SGMS1: variants seen among roughly 807,000 people sequenced by gnomAD.
The protein encoded by SGMS1 is phosphatidylcholine:ceramide cholinephosphotransferase 1.
Under a neutral mutation model 46.2 loss-of-function variants are expected in SGMS1, and 13 were observed. The ratio of observed to expected loss-of-function variants is 0.28; its 90% CI spans 0.18 to 0.45. The LOEUF (loss-of-function observed/expected upper bound fraction) is 0.45. Ranked by LOEUF, SGMS1 falls within the 20% of genes least tolerant of loss-of-function variation. SGMS1 has a pLI of 1.00. For synonymous variants in SGMS1, 203 were observed against 187.8 expected (o/e 1.08, Z -0.66); for missense variants, 324 against 519.9 (o/e 0.62, Z 3.66).
At chr10:50,351,983 G>A (rs1848026513) in intron 6 of SGMS1, among the ~76,000 whole-genome samples, 1 of 152,120 alleles carries the variant, frequency 6.6e-6, no homozygotes, top group Non-Finnish European at 1.5e-5. Flanking sequence ...TACTGAAGCT[G>A]CCACTTACAA....
chr10:50,513,786 T>C (rs1288574673), intron 3 of SGMS1, among the ~76,000 whole-genome samples: 1 of 152,232 alleles, frequency 6.6e-6, no homozygotes, highest in Non-Finnish European at 1.5e-5. Context: ...TATAAGGTAC[T>C]TTAGCACAAA....
At chr10:50,349,164 T>C (rs1229316226) in intron 6 of SGMS1, among the ~76,000 whole-genome samples, 3 of 152,240 alleles carry the variant, frequency 2.0e-5, no homozygotes, top group Admixed American at 2.0e-4. Flanking sequence ...ATTAACTAAC[T>C]GGGACAACAA....
intron 3 of SGMS1, among the ~76,000 whole-genome samples, chr10:50,468,403 AC>A: frequency 6.6e-6 from 1 of 152,370 alleles, no homozygotes; most frequent in South Asian, 2.1e-4. Flanking sequence ...GTTATTCAGG[AC>A]CTGAGAAGTC....
chr10:50,322,801 C>T (rs966889207), intron 8 of SGMS1, among the ~76,000 whole-genome samples: 6 of 142,608 alleles, frequency 4.2e-5, no homozygotes, highest in Non-Finnish European at 9.0e-5. Flanking sequence ...CACTGCAGTC[C>T]GCAGTCCGGC....
intron 6 of SGMS1, among the ~76,000 whole-genome samples, chr10:50,398,503 G>C (rs1848880485): frequency 6.6e-6 from 1 of 152,134 alleles, no homozygotes; most frequent in Non-Finnish European, 1.5e-5. Context: ...GCAATTTGAA[G>C]CTAACAATAC....
chr10:50,546,081 T>C (rs1196484378), intron 2 of SGMS1, among the ~76,000 whole-genome samples: 1 of 152,176 alleles, frequency 6.6e-6, no homozygotes, highest in Non-Finnish European at 1.5e-5. Flanking sequence ...TAAGGAGTTC[T>C]GCCTCGGATA....
At chr10:50,473,071 C>A (rs185473276) in intron 3 of SGMS1, among the ~76,000 whole-genome samples, 94 of 152,312 alleles carry the variant, frequency 6.2e-4, no homozygotes, top group African/African-American at 2.2e-3. Flanking sequence ...TGTCTTCACA[C>A]AGTCTTATTC....
At chr10:50,434,879 G>A (rs1354193194) in intron 5 of SGMS1, among the ~76,000 whole-genome samples, 10 of 101,996 alleles carry the variant, frequency 9.8e-5, no homozygotes, top group East Asian at 5.4e-4. Flanking sequence ...GCAAGACTCC[G>A]TCTCAAAAAA....
At chr10:50,582,194 T>C (rs1206425377) in intron 2 of SGMS1, among the ~76,000 whole-genome samples, 2 of 152,228 alleles carry the variant, frequency 1.3e-5, no homozygotes, top group Admixed American at 1.3e-4. Flanking sequence ...TTACAAATAC[T>C]TTAAGCTTCC....
chr10:50,564,939 T>G (rs948961946), intron 2 of SGMS1, among the ~76,000 whole-genome samples: 13 of 152,190 alleles, frequency 8.5e-5, no homozygotes, highest in Non-Finnish European at 2.9e-5. Context: ...GGTCTTCATG[T>G]CTCTCCACCA....
chr10:50,568,713 C>T (rs548167279), intron 2 of SGMS1, among the ~76,000 whole-genome samples: 1 of 152,174 alleles, frequency 6.6e-6, no homozygotes, highest in Admixed American at 6.5e-5. Context: ...ATAGTACACA[C>T]AAATTATTTT....
chr10:50,572,629 C>G (rs542365763), intron 2 of SGMS1, among the ~76,000 whole-genome samples: 6 of 152,256 alleles, frequency 3.9e-5, no homozygotes, highest in African/African-American at 9.6e-5. Flanking sequence ...ATTTGAAGAA[C>G]AGTTTTCATT....
intron 2 of SGMS1, among the ~76,000 whole-genome samples, chr10:50,563,690 C>A (rs935132723): frequency 2.1e-4 from 30 of 143,976 alleles, no homozygotes; most frequent in Admixed American, 2.8e-4. Context: ...TTGCAGTGAG[C>A]CGAGATCCCG....
chr10:50,411,849 G>A (rs943772799), intron 6 of SGMS1, among the ~76,000 whole-genome samples: 18 of 152,326 alleles, frequency 1.2e-4, no homozygotes, highest in South Asian at 2.1e-4. Flanking sequence ...GGGGCGGCTT[G>A]AGGCCATCAG....
At chr10:50,450,775 T>G (rs1364042012) in intron 5 of SGMS1, among the ~76,000 whole-genome samples, 1 of 152,064 alleles carries the variant, frequency 6.6e-6, no homozygotes, top group Non-Finnish European at 1.5e-5. Context: ...TTCTTCATTT[T>G]AATAATTTCC....
chr10:50,404,796 C>T (rs1381686698), intron 6 of SGMS1, among the ~76,000 whole-genome samples: 5 of 152,032 alleles, frequency 3.3e-5, no homozygotes, highest in Non-Finnish European at 4.4e-5. Flanking sequence ...CACAATCCCC[C>T]CAATGGCAAC....
intron 8 of SGMS1, among the ~76,000 whole-genome samples, chr10:50,312,690 G>A (rs147782983): frequency 1.3e-5 from 2 of 152,170 alleles, no homozygotes; most frequent in East Asian, 1.9e-4. Context: ...GATAAACTAA[G>A]GATAAATTAA....
chr10:50,318,623 T>G (rs899490327), intron 8 of SGMS1, among the ~76,000 whole-genome samples: 38 of 152,196 alleles, frequency 2.5e-4, no homozygotes, highest in African/African-American at 9.2e-4. Flanking sequence ...GACTTTTATG[T>G]GTTCTCTATA....
chr10:50,385,714 G>C (rs917450718), intron 6 of SGMS1, among the ~76,000 whole-genome samples: 8 of 152,204 alleles, frequency 5.3e-5, no homozygotes, highest in Non-Finnish European at 1.0e-4. Flanking sequence ...TGTCAGATGA[G>C]CTAGGAAGGC....
Sources: gnomAD v4.1 joint callset for allele counts (sites outside exome capture counted in the v4.1 genomes callset) on GRCh38, gnomAD v4.1.1 for gene constraint, MANE v1.5 for transcripts, NCBI Gene and HGNC (gene_info 2026-07-23, HGNC 2026-07-21) for gene names.